Variants in ZYG11B observed in about 807,000 individuals in gnomAD.
ZYG11B encodes the protein zyg-11 family member B, cell cycle regulator.
A neutral mutation model predicts 82.4 loss-of-function variants in ZYG11B; 36 were observed. The observed-to-expected ratio is 0.44, with a 90% CI of 0.33 to 0.58. The LOEUF (loss-of-function observed/expected upper bound fraction) is 0.58. ZYG11B is among the 20% of genes least tolerant of loss of function. The pLI is 0.02. For missense variants in ZYG11B, 552 were observed against 895.6 expected, an observed-to-expected ratio of 0.62 and a Z score of 4.90; for synonymous variants, 303 against 312.8, an observed-to-expected ratio of 0.97 and a Z score of 0.33.
intron 13 of ZYG11B, among the ~76,000 whole-genome samples, chr1:52,817,779 A>ATG (rs1571803809): frequency 7.4e-5 from 1 of 13,538 alleles, no homozygotes; most frequent in Non-Finnish European, 1.3e-4. Context: ...ATATATGTGT[A>ATG]TATATATATA....
intron 10 of ZYG11B, among the ~76,000 whole-genome samples, chr1:52,811,449 T>C (rs1330591537): frequency 6.6e-6 from 1 of 152,156 alleles, no homozygotes; most frequent in Non-Finnish European, 1.5e-5. Flanking sequence ...CTTCTGTGCT[T>C]TGATTTGGAT....
At chr1:52,808,201 C>G (rs919969968) in intron 10 of ZYG11B, among the ~76,000 whole-genome samples, 1 of 151,918 alleles carries the variant, frequency 6.6e-6, no homozygotes, top group Admixed American at 6.6e-5. Flanking sequence ...CATCTCTTCT[C>G]AAAATAACAG....
At chr1:52,805,572 C>T (rs1645135229) in intron 10 of ZYG11B, 1 of 447,134 alleles carries the variant, frequency 2.2e-6, no homozygotes. Context: ...TGGCTCATGC[C>T]TGTAATCCCA....
intron 2 of ZYG11B, among the ~76,000 whole-genome samples, chr1:52,770,101 T>C (rs896190277): frequency 6.8e-6 from 1 of 147,258 alleles, no homozygotes; most frequent in African/African-American, 2.5e-5. Context: ...TATTTTTTTT[T>C]TTTTTTCAGA....
chr1:52,802,309 T>C (rs1416895567), intron 10 of ZYG11B, among the ~76,000 whole-genome samples, 170 bp downstream of exon 10: 1 of 151,438 alleles, frequency 6.6e-6, no homozygotes, highest in Admixed American at 6.6e-5. Flanking sequence ...ACTTGAAATA[T>C]GGTCTGCAAT....
chr1:52,747,494 A>T (rs1333681838), intron 1 of ZYG11B, among the ~76,000 whole-genome samples: 1 of 152,028 alleles, frequency 6.6e-6, no homozygotes, highest in African/African-American at 2.4e-5. Context: ...TTATTAACAG[A>T]CCTGGGTTTG....
chr1:52,742,877 AAG>A (rs1032749582), intron 1 of ZYG11B, among the ~76,000 whole-genome samples: 14 of 150,866 alleles, frequency 9.3e-5, no homozygotes, highest in African/African-American at 3.4e-4. Flanking sequence ...GTTAATAAAA[AAG>A]TAAAAGTTCT....
At chr1:52,757,202 A>G (rs1644585917) in intron 2 of ZYG11B, among the ~76,000 whole-genome samples, 1 of 151,784 alleles carries the variant, frequency 6.6e-6, no homozygotes, top group Non-Finnish European at 1.5e-5. Flanking sequence ...TTGTAGAGAT[A>G]AGGTCTCACT....
chr1:52,770,356 A>C (rs1371607162), intron 2 of ZYG11B, among the ~76,000 whole-genome samples: 1 of 152,142 alleles, frequency 6.6e-6, no homozygotes, highest in African/African-American at 2.4e-5. Flanking sequence ...TTAATGAATT[A>C]CAAGGCATTA....
intron 8 of ZYG11B, 123 bp from the exon 9 acceptor site, chr1:52,801,696 G>A (rs1041184560): frequency 1.7e-5 from 13 of 749,198 alleles, no homozygotes; most frequent in Non-Finnish European, 2.7e-5. Context: ...TTTGTTATAA[G>A]TACCTTTACA....
intron 2 of ZYG11B, among the ~76,000 whole-genome samples, chr1:52,770,544 C>G (rs1315947980): frequency 6.6e-6 from 1 of 152,130 alleles, no homozygotes; most frequent in East Asian, 1.9e-4. Flanking sequence ...CATGGTCACC[C>G]TAGGGTCCAA....
chr1:52,813,668 A>G lies in ZYG11B; in HGVS notation c.1828A>G (p.Ile610Val), dbSNP rs755386657. 1.2e-6 allele frequency: 2 copies of G among 1,614,144 alleles called. No homozygotes were observed. Among genetic ancestry groups the G allele is most frequent in the South Asian group, 1.1e-5 (1 of 91,084 alleles). ...TGCAGCTGGAATTATTGCCCATTTAATATCCAGAGGTGAACAAGCTTGGAC... is the reference window on the plus strand; with the variant it reads ...TGCAGCTGGAATTATTGCCCATTTAGTATCCAGAGGTGAACAAGCTTGGAC... ...YFAAGIIAHL[I>V]SRGEQAWTLS... The change falls in exon 11 of 14, where the codon ATA becomes GTA. Residue 610 changes from isoleucine to valine, a missense_variant. By Grantham distance (29) the Ile-to-Val change is conservative. Around this residue, in one of 3 missense-constraint regions of ZYG11B, gnomAD observed 127 missense variants for 163.4 expected, o/e 0.78. Coordinates refer to ENST00000294353, the MANE Select transcript of ZYG11B (RefSeq NM_024646.3).
intron 1 of ZYG11B, among the ~76,000 whole-genome samples, chr1:52,737,764 A>G (rs1644389935): frequency 1.3e-5 from 2 of 152,360 alleles, no homozygotes; most frequent in East Asian, 3.9e-4. Flanking sequence ...CCCTGTCTCA[A>G]AAAAAACACA....
intron 2 of ZYG11B, among the ~76,000 whole-genome samples, chr1:52,764,763 G>T (rs1401205098): frequency 1.3e-5 from 2 of 152,078 alleles, no homozygotes; most frequent in Non-Finnish European, 2.9e-5. Flanking sequence ...GAATAATAAA[G>T]GAAGGGAGAT....
At chr1:52,790,983 T>A (rs1189155896) in intron 6 of ZYG11B, among the ~76,000 whole-genome samples, 2 of 151,774 alleles carry the variant, frequency 1.3e-5, no homozygotes, top group Non-Finnish European at 2.9e-5. Context: ...TTCTTTTTCT[T>A]TTTTTTGAGA....
At position 52,770,928 on chromosome 1, in the gene ZYG11B, A is replaced by T. The variant is rs887087629; in HGVS notation, c.197-92A>T. 8.9e-6 allele frequency: 12 copies of T among 1,353,994 alleles called. No homozygotes were observed. The African/African-American group carries it at 1.6e-4, about 18-fold the overall frequency. 83.9% of individuals were successfully genotyped at this position (1,353,994 alleles called of 1,614,324 possible). ...TGATTATCAGACGAGATACTGTTAC[A>T]TGGGAGCGCTTTGGAAATGTAAAGT... On this transcript the variant is annotated intron_variant, in intron 2 of 13. Transcript: ENST00000294353.
At chr1:52,745,913 G>C (rs1321038378) in intron 1 of ZYG11B, among the ~76,000 whole-genome samples, 1 of 151,382 alleles carries the variant, frequency 6.6e-6, no homozygotes, top group African/African-American at 2.4e-5. Flanking sequence ...TTGTTGCCCA[G>C]GCTGGAGTGC....
intron 1 of ZYG11B, among the ~76,000 whole-genome samples, chr1:52,747,131 G>T (rs537994996): frequency 6.6e-6 from 1 of 152,026 alleles, no homozygotes; most frequent in East Asian, 1.9e-4. Flanking sequence ...TACAATGTGT[G>T]TAAGAAATGT....
chr1:52,748,199 A>G (rs1644492176), intron 1 of ZYG11B, among the ~76,000 whole-genome samples: 1 of 152,182 alleles, frequency 6.6e-6, no homozygotes, highest in Non-Finnish European at 1.5e-5. Context: ...AAATGCAATA[A>G]TGTAATTGTG....
Sources: allele counts gnomAD v4.1 joint callset (sites outside exome capture counted in the v4.1 genomes callset), GRCh38; gene constraint gnomAD v4.1.1; regional missense constraint gnomAD v4.1.1; transcripts MANE v1.5; gene names NCBI Gene and HGNC (gene_info 2026-07-23, HGNC 2026-07-21).